The following MICAL3 variants were observed in gnomAD, a reference collection of about 807,000 sequenced individuals.
The protein encoded by MICAL3 is microtubule associated monooxygenase, calponin and LIM domain containing 3, also known as [F-actin]-monooxygenase MICAL3.
MICAL3 carries 62 observed loss-of-function variants against 207.4 expected under a neutral mutation model. The observed-to-expected ratio is 0.30, with a 90% CI of 0.24 to 0.37. MICAL3 has a LOEUF of 0.37. Among genes scored for constraint, MICAL3 ranks in the 10% least tolerant of loss-of-function variants. The pLI is 1.00. For synonymous variants in MICAL3, 1,077 were observed against 1,069.3 expected (o/e 1.01, Z -0.14); for missense variants, 2,368 against 2,635.6 (o/e 0.90, Z 2.22).
At chr22:17,880,941 A>C (rs879271080) in intron 16 of MICAL3, among the ~76,000 whole-genome samples, 1 of 152,162 alleles carries the variant, frequency 6.6e-6, no homozygotes, top group Non-Finnish European at 1.5e-5. Context: ...GACAAACATC[A>C]ATTACAGTTG....
chr22:17,972,784 ATTG>A (rs1370217038), intron 1 of MICAL3, among the ~76,000 whole-genome samples: 11 of 152,210 alleles, frequency 7.2e-5, no homozygotes, highest in African/African-American at 2.4e-5. Flanking sequence ...AATAATCCAA[ATTG>A]TTGTAGTATT....
rs143411730 is a variant in MICAL3, at chr22:17,818,448, G to A, written c.4213C>T (p.Arg1405Trp). ...EGEPLSLPTP[R>W]SPSDRELRSA... is the part of the protein sequence containing the mutation. ...CGTAGCTCTCTGTCGGACGGGGACC[G>A]GGGGGTTGGCAGGGACAACGGCTCG... Residue 1405 changes from arginine (R) to tryptophan (W), a missense_variant, in exon 26 of 32, where the codon CGG becomes TGG. By Grantham distance (101) the Arg-to-Trp change is moderately radical. Around this residue, in one of 4 missense-constraint regions of MICAL3, gnomAD observed 1,770 missense variants for 1,863.2 expected, o/e 0.95. Coordinates refer to ENST00000441493, the MANE Select transcript of MICAL3 (RefSeq NM_015241.3). The A allele has an allele frequency of 6.5e-5, 105 of 1,612,614 alleles. No homozygotes were observed. The African/African-American group carries it at 8.0e-4, about 12-fold the overall frequency.
intron 1 of MICAL3, among the ~76,000 whole-genome samples, chr22:17,979,109 G>A (rs1186117225): frequency 6.6e-6 from 1 of 151,998 alleles, no homozygotes; most frequent in Non-Finnish European, 1.5e-5. Flanking sequence ...AGGAGGTTGT[G>A]GCTGCAGTAA....
At chr22:17,813,037 T>TG (rs2062065389) in intron 27 of MICAL3, 1 of 152,096 alleles carries the variant, frequency 6.6e-6, no homozygotes, top group Non-Finnish European at 1.5e-5. Context: ...GCAGCAAAAC[T>TG]GGGAGGGAAA....
chr22:17,946,554 C>A (rs760229200), intron 1 of MICAL3, among the ~76,000 whole-genome samples: 2 of 152,154 alleles, frequency 1.3e-5, no homozygotes, highest in Non-Finnish European at 2.9e-5. Flanking sequence ...TCAGCACATG[C>A]GACACTGAGT....
intron 19 of MICAL3, 184 bp downstream of exon 19, chr22:17,864,715 C>A: frequency 6.2e-7 from 1 of 1,613,212 alleles, no homozygotes; most frequent in Non-Finnish European, 8.5e-7. Context: ...CTCCGACAGG[C>A]CATAGAGAAA....
In MICAL3 at chr22:17,866,626, A is replaced by AATAGC. The variant is rs1475219878; in HGVS notation, c.2429-615_2429-614insGCTAT. On this transcript the variant is annotated intron_variant, in intron 17 of 31. Transcript: ENST00000441493. ...CATAGAACAGAACAGAATAGAATAG[A>AATAGC]ATAGAATAGAATAGAATAGAATAGA... 1.1e-4 allele frequency among the ~76,000 whole-genome samples: 16 copies of AATAGC among 144,352 alleles called. No homozygotes were observed. The East Asian group carries it at 2.1e-3, about 19-fold the overall frequency. 94.7% of individuals were successfully genotyped at this position (144,352 alleles called of 152,430 possible).
chr22:17,873,202 G>A lies in MICAL3; in HGVS notation c.2242-1179C>T, dbSNP rs118170070. 4.6e-3 allele frequency among the ~76,000 whole-genome samples: 707 copies of A among 152,358 alleles called. 3 individuals are homozygous for A. In the Middle Eastern group the frequency reaches 0.048, roughly 10 times the overall value. On this transcript the variant is annotated intron_variant, in intron 16 of 31. Coordinates refer to ENST00000441493, the MANE Select transcript of MICAL3 (RefSeq NM_015241.3). ...GCACAGAGACAGGCAGGCAGGGCCT[G>A]GGTCCTGCAGAGCTGGGCTGCATTC...
chr22:17,954,143 CTT>C (rs1164271874), intron 1 of MICAL3, among the ~76,000 whole-genome samples: 1 of 151,986 alleles, frequency 6.6e-6, no homozygotes, highest in African/African-American at 2.4e-5. Flanking sequence ...AGTATAGAAA[CTT>C]TTATTGTCTG....
intron 16 of MICAL3, chr22:17,875,629 A>T (rs1179824143): frequency 7.1e-6 from 6 of 849,142 alleles, no homozygotes; most frequent in Non-Finnish European, 1.1e-5. Context: ...CTCTGAACAT[A>T]AGATGGTTGT....
chr22:17,877,427 GA>G (rs1569110484), intron 16 of MICAL3, among the ~76,000 whole-genome samples: 202 of 36,990 alleles, frequency 5.5e-3, no homozygotes, highest in African/African-American at 9.2e-3. Context: ...AGGTTAGGGA[GA>G]TTATGGAGGT....
At chr22:18,001,707 G>A (rs1307112089) in intron 1 of MICAL3, among the ~76,000 whole-genome samples, 3 of 152,380 alleles carry the variant, frequency 2.0e-5, no homozygotes, top group Non-Finnish European at 2.9e-5. Flanking sequence ...AAAGAAATAA[G>A]CTGTCGCCAC....
intron 1 of MICAL3, among the ~76,000 whole-genome samples, chr22:18,000,090 G>A (rs749060568): frequency 1.3e-5 from 2 of 152,198 alleles, no homozygotes; most frequent in Non-Finnish European, 2.9e-5. Flanking sequence ...ACTGTAGGAA[G>A]ATGTCTTTCT....
intron 1 of MICAL3, among the ~76,000 whole-genome samples, chr22:17,991,773 G>C (rs1921709610): frequency 1.3e-5 from 2 of 152,172 alleles, no homozygotes; most frequent in South Asian, 4.1e-4. Flanking sequence ...CCAGTAGTAA[G>C]AAGTCCTATT....
intron 1 of MICAL3, among the ~76,000 whole-genome samples, chr22:17,951,177 T>C (rs148155790): frequency 3.0e-4 from 45 of 152,200 alleles, no homozygotes; most frequent in African/African-American, 9.9e-4. Flanking sequence ...GCCCAGACTG[T>C]AAGGAAAGGT....
intron 17 of MICAL3, among the ~76,000 whole-genome samples, chr22:17,871,507 G>A (rs1365890721): frequency 2.0e-5 from 3 of 152,166 alleles, no homozygotes; most frequent in African/African-American, 4.8e-5. Context: ...GTCCCCTTCC[G>A]TAAAGACAAA....
rs1412093284 is a variant in MICAL3 at position 17,906,748 on chromosome 22, G to A, written c.65C>T (p.Ala22Val). 1 of 1,613,844 alleles carries A rather than the reference G, an allele frequency of 6.2e-7. No individual in the cohort carries two copies. The highest frequency in any genetic ancestry group is 8.5e-7 in the Non-Finnish European group (1 of 1,179,840). Residue 22 changes from alanine to valine, a missense_variant, in exon 2 of 32, where the codon GCC becomes GTC. By Grantham distance (64) the Ala-to-Val change is moderately conservative. Coordinates refer to ENST00000441493, the MANE Select transcript of MICAL3 (RefSeq NM_015241.3). The part of the protein sequence containing the change: ...AHVLFDRFVQ[A>V]TTCKGTLKAF... ...CTTGAGGGTTCCCTTGCAGGTGGTG[G>A]CCTGGACAAACCGGTCAAAGAGGAC... is the stretch of plus-strand genomic sequence containing the variant.
intron 1 of MICAL3, among the ~76,000 whole-genome samples, chr22:17,963,650 C>T (rs935801371): frequency 1.3e-5 from 2 of 152,174 alleles, no homozygotes; most frequent in Non-Finnish European, 2.9e-5. Flanking sequence ...ACCCCATCAA[C>T]GTGCTCCATA....
intron 1 of MICAL3, among the ~76,000 whole-genome samples, chr22:17,969,562 C>A (rs1339436013): frequency 6.6e-6 from 1 of 152,128 alleles, no homozygotes; most frequent in Non-Finnish European, 1.5e-5. Context: ...TCCCTGCCAC[C>A]TTTATTCCTT....
Sources: allele counts gnomAD v4.1 joint callset (sites outside exome capture counted in the v4.1 genomes callset), GRCh38; gene constraint gnomAD v4.1.1; regional missense constraint gnomAD v4.1.1; transcripts MANE v1.5; gene names NCBI Gene and HGNC (gene_info 2026-07-23, HGNC 2026-07-21).